TAFA4: variants seen among roughly 807,000 people sequenced by gnomAD.
The protein encoded by TAFA4 is TAFA chemokine like family member 4, also known as chemokine-like protein TAFA-4.
A neutral mutation model predicts 21.1 loss-of-function variants in TAFA4; 20 were observed. That is an observed-to-expected ratio of 0.95 (90% CI 0.67 to 1.38). The LOEUF (loss-of-function observed/expected upper bound fraction) is 1.38. Ranked by LOEUF, TAFA4 falls within the 40% of genes most tolerant of loss-of-function variation. The pLI is 0.00. For synonymous variants in TAFA4, 71 were observed against 67.4 expected (o/e 1.05, Z -0.26); for missense variants, 211 against 180.9 (o/e 1.17, Z -0.95).
rs150068707 is a variant in TAFA4, at chr3:68,851,383, T to C, written c.130+29347A>G. Among the ~76,000 whole-genome samples the C allele has an allele frequency of 4.3e-4, 66 of 152,132 alleles. No individual in the cohort carries two copies. In the East Asian group the frequency reaches 0.011, roughly 25 times the overall value. On this transcript the variant is annotated intron_variant, in intron 3 of 5. Transcript: ENST00000295569. ...GGAGAACATTAGGAAAAATAGCTAA[T>C]GCATGCTGGACTTAATACCTAGGTG...
intron 1 of TAFA4, among the ~76,000 whole-genome samples, chr3:68,912,661 C>T (rs950701624): frequency 6.6e-6 from 1 of 152,176 alleles, no homozygotes; most frequent in Non-Finnish European, 1.5e-5. Flanking sequence ...CCGGGAGGAC[C>T]AAGGTGCTGC....
chr3:68,891,683 A>G (rs966030078), intron 1 of TAFA4, among the ~76,000 whole-genome samples: 4 of 152,354 alleles, frequency 2.6e-5, no homozygotes, highest in Non-Finnish European at 5.9e-5. Flanking sequence ...GAAAGCAGCA[A>G]TCTGGGTTTG....
At chr3:68,837,773 T>C (rs1432694984) in intron 3 of TAFA4, among the ~76,000 whole-genome samples, 6 of 152,234 alleles carry the variant, frequency 3.9e-5, no homozygotes, top group South Asian at 2.1e-4. Flanking sequence ...TGTTTTTCTT[T>C]TGGATATATA....
rs576398729 is a variant in TAFA4, at chr3:68,838,787, G to A, written c.130+41943C>T. Among the ~76,000 whole-genome samples, 6 of 151,948 alleles carry A rather than the reference G, an allele frequency of 3.9e-5. No individual in the cohort carries two copies. The East Asian group carries it at 1.0e-3, about 26-fold the overall frequency. The stretch of plus-strand genomic sequence containing the variant: ...TATTCAGGGTGACAGGGACACAGCA[G>A]GGAATAAAACAGACAAAAGTCCCTG... On this transcript the variant is annotated intron_variant, in intron 3 of 5. Coordinates refer to ENST00000295569, the MANE Select transcript of TAFA4 (RefSeq NM_182522.5).
chr3:68,788,253 C>CCA (rs1166786145), intron 3 of TAFA4, among the ~76,000 whole-genome samples: 2 of 152,198 alleles, frequency 1.3e-5, no homozygotes, highest in African/African-American at 2.4e-5. Context: ...ACTACCCTGG[C>CCA]CACACTACTG....
chr3:68,810,203 C>A (rs755326693), intron 3 of TAFA4, among the ~76,000 whole-genome samples: 1 of 152,126 alleles, frequency 6.6e-6, no homozygotes, highest in Non-Finnish European at 1.5e-5. Context: ...GGAGCTGTTC[C>A]TATTCGGCCA....
chr3:68,766,219 T>C (rs769534874), intron 3 of TAFA4, among the ~76,000 whole-genome samples: 6 of 152,148 alleles, frequency 3.9e-5, no homozygotes, highest in Non-Finnish European at 8.8e-5. Flanking sequence ...TACTTCCTCA[T>C]GAGTTTTATA....
intron 1 of TAFA4, among the ~76,000 whole-genome samples, chr3:68,892,825 T>A (rs956029400): frequency 6.6e-6 from 1 of 152,114 alleles, no homozygotes; most frequent in Non-Finnish European, 1.5e-5. Flanking sequence ...GACCGTGAAG[T>A]AAAAAGTACA....
chr3:68,909,365 A>G lies in TAFA4; in HGVS notation c.-123+22875T>C, dbSNP rs1006199882. Among the ~76,000 whole-genome samples the G allele has an allele frequency of 3.7e-4, 57 of 152,188 alleles. 1 individual carries two copies. Among genetic ancestry groups the G allele is most frequent in the Admixed American group, 2.0e-4 (3 of 15,288 alleles). ...CAGCTTAACAGTTACAACAATATCA[A>G]TTCTATGAGGGCAGGACCTGTCGTC... is the stretch of plus-strand genomic sequence containing the variant. On this transcript the variant is annotated intron_variant, in intron 1 of 5. Coordinates refer to ENST00000295569, the MANE Select transcript of TAFA4 (RefSeq NM_182522.5).
chr3:68,745,454 C>T (rs1475876408), intron 4 of TAFA4, among the ~76,000 whole-genome samples: 1 of 152,138 alleles, frequency 6.6e-6, no homozygotes, highest in Non-Finnish European at 1.5e-5. Flanking sequence ...TGCTTCCTGA[C>T]TTATGAAAAC....
At chr3:68,796,406 A>C (rs1013734878) in intron 3 of TAFA4, among the ~76,000 whole-genome samples, 1 of 152,198 alleles carries the variant, frequency 6.6e-6, no homozygotes, top group African/African-American at 2.4e-5. Flanking sequence ...AAAAAGACAC[A>C]GTGCAACTAT....
intron 3 of TAFA4, among the ~76,000 whole-genome samples, chr3:68,792,915 A>G (rs1300107130): frequency 6.6e-6 from 1 of 151,960 alleles, no homozygotes; most frequent in Non-Finnish European, 1.5e-5. Context: ...TCATATTTCT[A>G]TTAAACTGAG....
At chr3:68,876,096 T>TA (rs1435852750) in intron 3 of TAFA4, among the ~76,000 whole-genome samples, 5 of 152,222 alleles carry the variant, frequency 3.3e-5, no homozygotes, top group African/African-American at 1.2e-4. Context: ...TCATGGGACT[T>TA]ATCATAGTAG....
chr3:68,889,419 G>T (rs1218483471), intron 1 of TAFA4, among the ~76,000 whole-genome samples: 1 of 151,450 alleles, frequency 6.6e-6, no homozygotes, highest in Non-Finnish European at 1.5e-5. Context: ...AAGGAAAATA[G>T]AGAGGCTGTG....
rs539077902 is a variant in TAFA4, at chr3:68,916,034, G to C, written c.-123+16206C>G. 3 of 152,324 alleles carry C rather than the reference G, an allele frequency of 2.0e-5. No individual in the cohort carries two copies. In the South Asian group the frequency reaches 6.2e-4, roughly 32 times the overall value. 9.4% of individuals were successfully genotyped at this position (152,324 alleles called of 1,614,324 possible). A position where few individuals can be genotyped will look rare whatever the true frequency, so the allele number is the denominator to read the frequency against. On this transcript the variant is annotated intron_variant, in intron 1 of 5. Transcript: ENST00000295569. Reference sequence around the variant, plus strand: ...AGACAAGTTCAAAACCTACCAGTGTGAATGTGTACTTTTGGAAATAGGGTA... The same window carrying C: ...AGACAAGTTCAAAACCTACCAGTGTCAATGTGTACTTTTGGAAATAGGGTA...
Position 68,897,203 on chromosome 3 carries a change from A to C in TAFA4, c.-122-11893T>G, listed in dbSNP as rs376721030. On this transcript the variant is annotated intron_variant, in intron 1 of 5. Coordinates refer to ENST00000295569, the MANE Select transcript of TAFA4 (RefSeq NM_182522.5). ...AGGTGTGAGCCACCACGCCTGGCCT[A>C]ATCTATTGTTTTTCACTCTTCACTT... 1.7e-4 allele frequency among the ~76,000 whole-genome samples: 26 copies of C among 152,192 alleles called. 1 individual carries two copies. Among genetic ancestry groups the C allele is most frequent in the African/African-American group, 5.5e-4 (23 of 41,552 alleles).
intron 3 of TAFA4, among the ~76,000 whole-genome samples, chr3:68,782,100 A>T (rs1703164096): frequency 6.6e-6 from 1 of 152,226 alleles, no homozygotes; most frequent in Non-Finnish European, 1.5e-5. Flanking sequence ...GAAAATCTAT[A>T]TCTGACAAGG....
intron 1 of TAFA4, 75 bp from the exon 2 acceptor site, chr3:68,885,385 G>A: frequency 1.8e-6 from 1 of 570,266 alleles, no homozygotes; most frequent in Non-Finnish European, 3.1e-6. Context: ...ATTTCCAGTA[G>A]CAAAATAATG....
At chr3:68,746,135 G>T (rs1702453611) in intron 4 of TAFA4, among the ~76,000 whole-genome samples, 1 of 152,110 alleles carries the variant, frequency 6.6e-6, no homozygotes, top group African/African-American at 2.4e-5. Flanking sequence ...AGTTACACCA[G>T]TGGTTTCCCA....
Sources: gnomAD v4.1 joint callset for allele counts (sites outside exome capture counted in the v4.1 genomes callset) on GRCh38, gnomAD v4.1.1 for gene constraint, MANE v1.5 for transcripts, NCBI Gene and HGNC (gene_info 2026-07-23, HGNC 2026-07-21) for gene names.